Variants in DMP1 observed in about 807,000 individuals in gnomAD.
The protein encoded by DMP1 is dentin matrix acidic phosphoprotein 1.
DMP1 carries 20 observed loss-of-function variants against 14.6 expected under a neutral mutation model. The ratio of observed to expected loss-of-function variants is 1.37; its 90% CI spans 0.96 to 1.99. The LOEUF (loss-of-function observed/expected upper bound fraction) is 1.99. Ranked by LOEUF, DMP1 falls within the 30% of genes most tolerant of loss-of-function variation. The pLI, the probability that DMP1 is intolerant of heterozygous loss-of-function variation, is 0.00. For missense variants in DMP1, 567 were observed against 620.5 expected (o/e 0.91, Z 0.92); for synonymous variants, 197 against 215.3 (o/e 0.91, Z 0.75).
At chr4:87,652,010 C>T (rs764690310) in intron 1 of DMP1, among the ~76,000 whole-genome samples, 3 of 152,114 alleles carry the variant, frequency 2.0e-5, no homozygotes, top group Non-Finnish European at 4.4e-5. Flanking sequence ...CACCTGAAAT[C>T]TTGACTTTAG....
chr4:87,656,725 A>T (rs1728708802), intron 2 of DMP1, among the ~76,000 whole-genome samples, 179 bp downstream of exon 2: 1 of 152,208 alleles, frequency 6.6e-6, no homozygotes, highest in Non-Finnish European at 1.5e-5. Context: ...TTCAGTTGCC[A>T]TTCACATAGA....
chr4:87,662,014 A>T lies in DMP1; in HGVS notation c.236A>T (p.Asp79Val), dbSNP rs1370539252. ...CAGTCAGAGGAGGGCCTGGGCTCTGATGATCATCAATACATTTATAGGCTA... is the reference window on the plus strand; with the variant it reads ...CAGTCAGAGGAGGGCCTGGGCTCTGTTGATCATCAATACATTTATAGGCTA... ...STQSEEGLGSDDHQYIYRLAG... is the reference protein window; with the variant it reads ...STQSEEGLGSVDHQYIYRLAG... The change falls in exon 6 of 6, where the codon GAT becomes GTT. Residue 79 changes from aspartate (D) to valine (V), a missense_variant. By Grantham distance (152) the Asp-to-Val change is radical. Transcript: ENST00000339673. 6 of 1,614,238 alleles carry T rather than the reference A, an allele frequency of 3.7e-6. No homozygotes were observed. The South Asian group carries it at 6.6e-5, about 18-fold the overall frequency.
chr4:87,654,528 G>C (rs1728631186), intron 1 of DMP1, among the ~76,000 whole-genome samples: 1 of 152,122 alleles, frequency 6.6e-6, no homozygotes, highest in Admixed American at 6.5e-5. Context: ...ATGCACCTGG[G>C]AAAAATGAAC....
At chr4:87,660,103 T>C (rs1728817614) in intron 5 of DMP1, among the ~76,000 whole-genome samples, 1 of 152,190 alleles carries the variant, frequency 6.6e-6, no homozygotes, top group African/African-American at 2.4e-5. Context: ...CCAAACTCAA[T>C]CCTGTGGGGC....
intron 5 of DMP1, among the ~76,000 whole-genome samples, chr4:87,661,225 TTTTTTTTTTTTTTTTG>T (rs1560493071): frequency 3.7e-5 from 3 of 80,024 alleles, no homozygotes; most frequent in Admixed American, 2.6e-4. Flanking sequence ...TTTTTTTTTT[TTTTTTTTTTTTTTTTG>T]AGACGGAGTC....
rs779633838 is a variant in DMP1, at chr4:87,662,667, G to T, written c.889G>T (p.Glu297Ter). 1.2e-6 allele frequency: 2 copies of T among 1,614,140 alleles called. No homozygotes were observed. The highest frequency in any genetic ancestry group is 8.5e-7 in the Non-Finnish European group (1 of 1,180,032). Residue 297 changes from glutamate to a stop codon, truncating the protein, a stop_gained, in exon 6 of 6, where the codon GAA becomes TAA. Coordinates refer to ENST00000339673, the MANE Select transcript of DMP1 (RefSeq NM_004407.4). LOFTEE classifies it low-confidence loss of function (END_TRUNC). ...GGAAGAAGTCAAGAGTGACTCTACAGAAAACAGCAACTCCAGAGACACTGG... is the reference window on the plus strand; with the variant it reads ...GGAAGAAGTCAAGAGTGACTCTACATAAAACAGCAACTCCAGAGACACTGG... ...TMEEVKSDSTENSNSRDTGLS... is the reference protein window; with the variant it reads ...TMEEVKSDST
Position 87,663,906 on chromosome 4 carries a change from G to A in DMP1, c.*586G>A, listed in dbSNP as rs1024550357. ...CATTGGAGTTGGAAGGTTGCATAGG[G>A]TTTCCTCATTGGAGACCGGGAAATT... On this transcript the variant is annotated 3_prime_UTR_variant, in exon 6 of 6. Coordinates refer to ENST00000339673, the MANE Select transcript of DMP1 (RefSeq NM_004407.4). 1 of 156,506 alleles carries A rather than the reference G, an allele frequency of 6.4e-6. No individual in the cohort carries two copies. The highest frequency in any genetic ancestry group is 2.4e-5 in the African/African-American group (1 of 41,484). 9.7% of individuals were successfully genotyped at this position (156,506 alleles called of 1,614,324 possible).
At chr4:87,652,761 G>T (rs998179555) in intron 1 of DMP1, among the ~76,000 whole-genome samples, 2 of 152,184 alleles carry the variant, frequency 1.3e-5, no homozygotes, top group African/African-American at 2.4e-5. Context: ...AAATACAAGA[G>T]AATTCAATAG....
At chr4:87,657,645 T>A (rs1007206725) in intron 3 of DMP1, among the ~76,000 whole-genome samples, 1 of 152,140 alleles carries the variant, frequency 6.6e-6, no homozygotes, top group Non-Finnish European at 1.5e-5. Context: ...TCACAGAGAG[T>A]AATTCAATCG....
intron 3 of DMP1, among the ~76,000 whole-genome samples, chr4:87,657,821 C>T (rs552836731): frequency 3.9e-5 from 6 of 152,238 alleles, no homozygotes; most frequent in South Asian, 2.1e-4. Flanking sequence ...AAATCTTATG[C>T]GAAATCAGAG....
intron 1 of DMP1, among the ~76,000 whole-genome samples, chr4:87,655,371 G>A (rs1363301675): frequency 6.6e-6 from 1 of 152,182 alleles, no homozygotes; most frequent in African/African-American, 2.4e-5. Context: ...AGTGTGAAAT[G>A]AAGTTACCCT....
intron 1 of DMP1, 70 bp from the exon 2 acceptor site, chr4:87,656,402 A>T: frequency 1.1e-6 from 1 of 873,176 alleles, no homozygotes; most frequent in Non-Finnish European, 2.0e-6. Flanking sequence ...TAGTAGGAAG[A>T]AACTGTTAAA....
chr4:87,659,934 G>A (rs777466415), intron 5 of DMP1, among the ~76,000 whole-genome samples: 28 of 152,230 alleles, frequency 1.8e-4, no homozygotes, highest in Non-Finnish European at 3.8e-4. Flanking sequence ...GAAAAGAACT[G>A]CTTCAGTGAT....
chr4:87,657,296 G>T (rs1330618349), intron 3 of DMP1: 1 of 434,200 alleles, frequency 2.3e-6, no homozygotes, highest in Admixed American at 3.6e-5. Context: ...TTCTTATAAT[G>T]GATGTGTATA....
chr4:87,662,295 C>G lies in DMP1; in HGVS notation c.517C>G (p.Arg173Gly). 2 of 1,613,968 alleles carry G rather than the reference C, an allele frequency of 1.2e-6. No homozygotes were observed. Among genetic ancestry groups the G allele is most frequent in the Admixed American group, 1.7e-5 (1 of 60,020 alleles). Reference protein sequence around the residue: ...SESRELDNEDRVDSKPEGGDS... With the variant: ...SESRELDNEDGVDSKPEGGDS... ...GAGCAGGGAACTTGACAATGAGGACCGGGTGGACAGCAAGCCTGAGGGAGG... is the reference window on the plus strand; with the variant it reads ...GAGCAGGGAACTTGACAATGAGGACGGGGTGGACAGCAAGCCTGAGGGAGG... Residue 173 changes from arginine (R) to glycine (G), a missense_variant, in exon 6 of 6, where the codon CGG becomes GGG. By Grantham distance (125) the Arg-to-Gly change is moderately radical. Coordinates refer to ENST00000339673, the MANE Select transcript of DMP1 (RefSeq NM_004407.4).
rs554234835 is a variant in DMP1 at position 87,662,765 on chromosome 4, G to T, written c.987G>T (p.Glu329Asp). The stretch of plus-strand genomic sequence containing the variant: ...GCAAGGAGAATCTGTCCCAGGAAGA[G>T]AGCCAAAACGTAGATGGTCCCAGCA... ...EDSKENLSQE[E>D]SQNVDGPSSE... The change falls in exon 6 of 6, where the codon GAG (glutamate) becomes GAT (aspartate). Residue 329 changes from glutamate to aspartate, a missense_variant. By Grantham distance (45) the Glu-to-Asp change is conservative. Coordinates refer to ENST00000339673, the MANE Select transcript of DMP1 (RefSeq NM_004407.4). 2 of 1,613,824 alleles carry T rather than the reference G, an allele frequency of 1.2e-6. No individual in the cohort carries two copies. The highest frequency in any genetic ancestry group is 1.1e-5 in the South Asian group (1 of 91,072).
chr4:87,659,038 C>G, intron 3 of DMP1, 182 bp from the exon 4 acceptor site: 2 of 648,472 alleles, frequency 3.1e-6, no homozygotes, highest in Non-Finnish European at 5.5e-6. Flanking sequence ...TCTTTTCAAG[C>G]CATTAGTCAT....
Position 87,662,947 on chromosome 4 carries a change from A to T in DMP1, c.1169A>T (p.His390Leu), listed in dbSNP as rs749288852. The change falls in exon 6 of 6, where the codon CAC becomes CTC. Residue 390 changes from histidine to leucine, a missense_variant. His to Leu is a moderately conservative substitution (Grantham distance 99). Transcript: ENST00000339673. ...DSDSSEEDSS[H>L]TLSHSKSESR... ...GACTCCAGCGAGGAGGACAGCTCGC[A>T]CACACTCTCCCACTCAAAAAGTGAA... The T allele has an allele frequency of 6.2e-7, 1 of 1,614,208 alleles. No homozygotes were observed. The highest frequency in any genetic ancestry group is 8.5e-7 in the Non-Finnish European group (1 of 1,180,032).
intron 3 of DMP1, among the ~76,000 whole-genome samples, chr4:87,658,572 A>C (rs1728765552): frequency 6.6e-6 from 1 of 152,208 alleles, no homozygotes; most frequent in Admixed American, 6.5e-5. Flanking sequence ...GATGTTATCA[A>C]ATGGATTTTT....
Sources: gnomAD v4.1 joint callset for allele counts (sites outside exome capture counted in the v4.1 genomes callset) on GRCh38, gnomAD v4.1.1 for gene constraint, MANE v1.5 for transcripts, NCBI Gene and HGNC (gene_info 2026-07-23, HGNC 2026-07-21) for gene names.